Variants in SCARA3 observed in about 807,000 individuals in gnomAD.
SCARA3 encodes the protein scavenger receptor class A member 3.
A neutral mutation model predicts 47.0 loss-of-function variants in SCARA3; 39 were observed. That is an observed-to-expected ratio of 0.83 (90% confidence interval 0.64 to 1.08). SCARA3 has a LOEUF of 1.08. SCARA3 is among the 50% of genes least tolerant of loss of function. The pLI, the probability that SCARA3 is intolerant of heterozygous loss-of-function variation, is 0.00. For synonymous variants in SCARA3, 356 were observed against 334.1 expected (o/e 1.07, Z -0.71); for missense variants, 724 against 792.3 (o/e 0.91, Z 1.04).
At chr8:27,670,825 C>T (rs553361415) in intron 5 of SCARA3, 75 bp from the exon 6 acceptor site, 82 of 1,294,034 alleles carry the variant, frequency 6.3e-5, no homozygotes, top group Middle Eastern at 5.6e-4. Context: ...TCGCCGTGCC[C>T]GCTCTGCTCA....
the SCARA3 span, among the ~76,000 whole-genome samples, chr8:27,723,214 C>T: frequency 6.6e-6 from 1 of 152,284 alleles, no homozygotes; most frequent in South Asian, 2.1e-4. Flanking sequence ...CTGATGCTGC[C>T]CCACAAATGA....
At chr8:27,715,094 G>A in the SCARA3 span, among the ~76,000 whole-genome samples, 1 of 151,800 alleles carries the variant, frequency 6.6e-6, no homozygotes, top group African/African-American at 2.4e-5. This position sits in a 1 kb window ranked among gnomAD's most constrained non-coding sequence, Gnocchi z 4.2. Flanking sequence ...TAAATTTTTT[G>A]TTTTTATTTT....
At chr8:27,658,141 T>G (rs187706083) in intron 4 of SCARA3, among the ~76,000 whole-genome samples, 4 of 152,284 alleles carry the variant, frequency 2.6e-5, no homozygotes, top group Admixed American at 2.0e-4. Flanking sequence ...TTGAGAGGAT[T>G]GAATAAGATA....
the SCARA3 span, among the ~76,000 whole-genome samples, chr8:27,721,367 C>G: frequency 4.6e-5 from 7 of 152,148 alleles, no homozygotes; most frequent in East Asian, 1.2e-3. Context: ...GCATTGGGGA[C>G]AGAGAAGTAA....
At chr8:27,651,195 C>A (rs1801623898) in intron 2 of SCARA3, among the ~76,000 whole-genome samples, 1 of 152,252 alleles carries the variant, frequency 6.6e-6, no homozygotes, top group Non-Finnish European at 1.5e-5. Context: ...TCCTGTGGGT[C>A]CTCAGTAGGA....
chr8:27,697,920 G>A, the SCARA3 span, among the ~76,000 whole-genome samples: 12,151 of 152,158 alleles, frequency 0.08, 591 homozygotes, highest in Non-Finnish European at 0.11. Flanking sequence ...TAAATTACCC[G>A]TCTTGGGTAT....
At chr8:27,699,949 A>G in the SCARA3 span, among the ~76,000 whole-genome samples, 1 of 152,230 alleles carries the variant, frequency 6.6e-6, no homozygotes, top group East Asian at 1.9e-4. Context: ...ATGATTTCAA[A>G]GTCTTTTCAA....
chr8:27,671,073 C>T lies in SCARA3; in HGVS notation c.1543C>T (p.Pro515Ser), dbSNP rs1315787732. Reference sequence around the variant, plus strand: ...TGTGGGAGAAAGGGGCCCTGTTGGCCCTCGAGGGTTCCCAGGCCTCAAAGG... The same window carrying T: ...TGTGGGAGAAAGGGGCCCTGTTGGCTCTCGAGGGTTCCCAGGCCTCAAAGG... ...GPVGERGPVG[P>S]RGFPGLKGSK... Residue 515 changes from proline to serine, a missense_variant, in exon 6 of 6, where the codon CCT (proline) becomes TCT (serine). Physicochemically the swap from Pro to Ser is moderately conservative, Grantham distance 74 (BLOSUM62 -1). Transcript: ENST00000301904. 6.2e-7 allele frequency: 1 copy of T among 1,611,574 alleles called. No homozygotes were observed. Among genetic ancestry groups the T allele is most frequent in the Non-Finnish European group, 8.5e-7 (1 of 1,179,152 alleles).
intron 2 of SCARA3, among the ~76,000 whole-genome samples, chr8:27,650,276 T>A (rs1369889781): frequency 3.3e-5 from 5 of 152,188 alleles, no homozygotes. Context: ...GTTACAGGTG[T>A]GAGCCACTGT....
In SCARA3 at chr8:27,672,101, C is replaced by T. The variant is rs1008380506; in HGVS notation, c.*750C>T. 1 of 985,332 alleles carries T rather than the reference C, an allele frequency of 1.0e-6. No individual in the cohort carries two copies. Among genetic ancestry groups the T allele is most frequent in the African/African-American group, 1.7e-5 (1 of 57,234 alleles). 61.0% of individuals were successfully genotyped at this position (985,332 alleles called of 1,614,324 possible). A position where few individuals can be genotyped will look rare whatever the true frequency, so the allele number is the denominator to read the frequency against. ...TGGACCTGGCAACCACAAGACCCTC[C>T]CCATAAGCAGGGGACCAGCATACCC... On this transcript the variant is annotated 3_prime_UTR_variant, in exon 6 of 6. Transcript: ENST00000301904.
At chr8:27,731,963 A>C in the SCARA3 span, among the ~76,000 whole-genome samples, 1 of 152,272 alleles carries the variant, frequency 6.6e-6, no homozygotes, top group East Asian at 1.9e-4. Context: ...TGTCTTCACC[A>C]AGGGTCAAAA....
the SCARA3 span, among the ~76,000 whole-genome samples, chr8:27,725,679 T>C: frequency 6.6e-6 from 1 of 152,134 alleles, no homozygotes; most frequent in South Asian, 2.1e-4. Flanking sequence ...GGGATCATGG[T>C]TGGGTTCATG....
At chr8:27,712,797 A>G in the SCARA3 span, among the ~76,000 whole-genome samples, 2 of 152,206 alleles carry the variant, frequency 1.3e-5, no homozygotes, top group Non-Finnish European at 2.9e-5. Context: ...GGTAAATACC[A>G]AGGAGTATGA....
the SCARA3 span, among the ~76,000 whole-genome samples, chr8:27,720,969 CATCT>C: frequency 7.9e-5 from 12 of 152,076 alleles, no homozygotes; most frequent in Non-Finnish European, 1.5e-4. Context: ...TCCATCCATC[CATCT>C]ATCCATTCAT....
At position 27,634,227 on chromosome 8, in the gene SCARA3, G is replaced by T; in HGVS notation, c.7+20G>T. On this transcript the variant is annotated intron_variant, in intron 1 of 5. Coordinates refer to ENST00000301904, the MANE Select transcript of SCARA3 (RefSeq NM_016240.3). Reference sequence around the variant, plus strand: ...TGAAAGGTAAGGGCGGCCTGTCGGGGGCAGCTCCGAGGGGGGCCGCCTGCA... The same window carrying T: ...TGAAAGGTAAGGGCGGCCTGTCGGGTGCAGCTCCGAGGGGGGCCGCCTGCA... The T allele has an allele frequency of 7.4e-7, 1 of 1,352,656 alleles. No homozygotes were observed. Among genetic ancestry groups the T allele is most frequent in the Non-Finnish European group, 9.5e-7 (1 of 1,053,554 alleles). 83.8% of individuals were successfully genotyped at this position (1,352,656 alleles called of 1,614,324 possible).
the SCARA3 span, among the ~76,000 whole-genome samples, chr8:27,717,793 A>C: frequency 4.6e-5 from 7 of 152,178 alleles, no homozygotes; most frequent in African/African-American, 1.7e-4. Context: ...TCAAAAAAAG[A>C]AGAAGAAAAA....
rs1446597423 is a variant in SCARA3 at position 27,651,594 on chromosome 8, C to T, written c.193C>T (p.Leu65Phe). The change falls in exon 3 of 6, where the codon CTC (leucine) becomes TTC (phenylalanine). Residue 65 changes from leucine (L) to phenylalanine (F), a missense_variant. Leu to Phe is a conservative substitution (Grantham distance 22). Coordinates refer to ENST00000301904, the MANE Select transcript of SCARA3 (RefSeq NM_016240.3). ...GATTCTTTACCTCTTCCTGGCCCTG[C>T]TCCTGGTGGCCGTGGCTGTGTTGGC... Reference protein sequence around the residue: ...VRILYLFLALLLVAVAVLASL... With the variant: ...VRILYLFLALFLVAVAVLASL... The T allele has an allele frequency of 6.2e-7, 1 of 1,614,048 alleles. No individual in the cohort carries two copies. Among genetic ancestry groups the T allele is most frequent in the Admixed American group, 1.7e-5 (1 of 60,012 alleles).
chr8:27,689,925 A>G, the SCARA3 span, among the ~76,000 whole-genome samples: 5 of 152,224 alleles, frequency 3.3e-5, no homozygotes, highest in African/African-American at 7.2e-5. Context: ...GGAATTCAAG[A>G]CCAGCCTGGA....
At chr8:27,730,488 A>ATTT in the SCARA3 span, among the ~76,000 whole-genome samples, 23,707 of 136,970 alleles carry the variant, frequency 0.17, 2,711 homozygotes, top group Middle Eastern at 0.27. Context: ...TCTGCCTTTG[A>ATTT]TTTTTTTTTT....
Sources: gnomAD v4.1 joint callset for allele counts (sites outside exome capture counted in the v4.1 genomes callset) on GRCh38, gnomAD v4.1.1 for gene constraint, Gnocchi (gnomAD v3.1) non-coding constraint, MANE v1.5 for transcripts, NCBI Gene and HGNC (gene_info 2026-07-23, HGNC 2026-07-21) for gene names.